The following AUTS2 variants were observed in gnomAD, a reference collection of about 807,000 sequenced individuals.
AUTS2 encodes activator of transcription and developmental regulator AUTS2.
In AUTS2, 17 loss-of-function variants were observed where a neutral mutation model predicts 112.4. That is an observed-to-expected ratio of 0.15 (90% CI 0.10 to 0.23). The LOEUF (loss-of-function observed/expected upper bound fraction) is 0.23. Among genes scored for constraint, AUTS2 ranks in the 10% least tolerant of loss-of-function variants. The probability of loss-of-function intolerance (pLI) is 1.00; values close to 1 mark genes in which losing one functional copy is unlikely to be tolerated. For missense variants in AUTS2, 1,510 were observed against 1,701.6 expected (o/e 0.89, Z 1.98); for synonymous variants, 751 against 702.7 (o/e 1.07, Z -1.09).
intron 1 of AUTS2, among the ~76,000 whole-genome samples, chr7:69,719,601 C>T (rs1798808773): frequency 6.6e-6 from 1 of 152,202 alleles, no homozygotes; most frequent in African/African-American, 2.4e-5. Context: ...ATGCAATGGA[C>T]TGCCTGCTAT....
chr7:70,634,358 C>T (rs945223262), intron 5 of AUTS2, among the ~76,000 whole-genome samples: 4 of 152,200 alleles, frequency 2.6e-5, no homozygotes, highest in African/African-American at 9.6e-5. Context: ...GTATAGTGTG[C>T]CTGGGGCTTT....
intron 2 of AUTS2, among the ~76,000 whole-genome samples, chr7:70,000,597 G>A (rs1172847343): frequency 6.6e-6 from 1 of 152,078 alleles, no homozygotes; most frequent in East Asian, 1.9e-4. Context: ...TGAAGAGGTA[G>A]GAGAGAGAAA....
chr7:70,140,304 C>T (rs1806793598), intron 4 of AUTS2, among the ~76,000 whole-genome samples: 1 of 152,116 alleles, frequency 6.6e-6, no homozygotes, highest in Non-Finnish European at 1.5e-5. Flanking sequence ...TCGTTAGGAG[C>T]TGCAAAATGG....
At chr7:69,805,862 C>A (rs761182912) in intron 1 of AUTS2, among the ~76,000 whole-genome samples, 1 of 152,186 alleles carries the variant, frequency 6.6e-6, no homozygotes, top group South Asian at 2.1e-4. Context: ...GAATCTCACA[C>A]CAAGGTCCCT....
chr7:69,758,558 A>G (rs918471859), intron 1 of AUTS2, among the ~76,000 whole-genome samples: 1 of 152,194 alleles, frequency 6.6e-6, no homozygotes, highest in Non-Finnish European at 1.5e-5. Flanking sequence ...TTCAGTGAAA[A>G]TGTATTGAAA....
intron 5 of AUTS2, among the ~76,000 whole-genome samples, chr7:70,450,793 G>A (rs1796499998): frequency 6.6e-6 from 1 of 152,166 alleles, no homozygotes; most frequent in African/African-American, 2.4e-5. Context: ...CCAAACTAAT[G>A]TGGAAAGAAG....
intron 4 of AUTS2, among the ~76,000 whole-genome samples, chr7:70,318,857 T>G (rs1790122158): frequency 6.6e-6 from 1 of 152,198 alleles, no homozygotes; most frequent in South Asian, 2.1e-4. Flanking sequence ...CTGCATTAGG[T>G]ACCTAGTGTT....
intron 1 of AUTS2, among the ~76,000 whole-genome samples, chr7:69,891,539 T>C (rs900982740): frequency 3.9e-5 from 6 of 152,092 alleles, no homozygotes; most frequent in African/African-American, 1.4e-4. Flanking sequence ...TTAGAACTTT[T>C]AAAGAAACTA....
chr7:69,753,099 T>A (rs1787807763), intron 1 of AUTS2, among the ~76,000 whole-genome samples: 1 of 152,180 alleles, frequency 6.6e-6, no homozygotes, highest in Non-Finnish European at 1.5e-5. Flanking sequence ...CCTCAGTTTT[T>A]ATAATTATAA....
At chr7:70,244,984 G>T (rs1812818756) in intron 4 of AUTS2, among the ~76,000 whole-genome samples, 1 of 151,558 alleles carries the variant, frequency 6.6e-6, no homozygotes, top group African/African-American at 2.4e-5. Context: ...GCTGGGTGTG[G>T]TGGCGCATGC....
At chr7:69,885,867 C>T (rs1794251005) in intron 1 of AUTS2, among the ~76,000 whole-genome samples, 2 of 152,190 alleles carry the variant, frequency 1.3e-5, no homozygotes. Flanking sequence ...GCTTTATATT[C>T]AGAAATGGTC....
At chr7:70,495,780 A>G (rs1798445898) in intron 5 of AUTS2, among the ~76,000 whole-genome samples, 3 of 77,706 alleles carry the variant, frequency 3.9e-5, no homozygotes, top group South Asian at 3.9e-4. Context: ...GTACACAGTC[A>G]CACACACACA....
intron 5 of AUTS2, among the ~76,000 whole-genome samples, chr7:70,689,975 T>G (rs1808675697): frequency 6.6e-6 from 1 of 152,162 alleles, no homozygotes; most frequent in Non-Finnish European, 1.5e-5. Flanking sequence ...ATTTTGTTGG[T>G]CTCCACGGTA....
intron 4 of AUTS2, among the ~76,000 whole-genome samples, chr7:70,415,316 A>G (rs139810616): frequency 9.9e-4 from 150 of 152,264 alleles, no homozygotes; most frequent in African/African-American, 3.5e-3. Flanking sequence ...TCATTATGTC[A>G]ACTGGAAAAT....
intron 4 of AUTS2, among the ~76,000 whole-genome samples, chr7:70,210,908 CT>C (rs1367051595): frequency 6.6e-6 from 1 of 152,132 alleles, no homozygotes; most frequent in East Asian, 1.9e-4. Flanking sequence ...CTTGGGGTTT[CT>C]TATCTTTTAC....
intron 2 of AUTS2, among the ~76,000 whole-genome samples, chr7:70,084,254 A>G (rs1384673564): frequency 6.6e-6 from 1 of 152,114 alleles, no homozygotes; most frequent in Non-Finnish European, 1.5e-5. Context: ...ATTGTGCTGT[A>G]TATAATGTTT....
Position 69,938,749 on chromosome 7 carries a change from G to A in AUTS2, c.522+39251G>A, listed in dbSNP as rs78613994. On this transcript the variant is annotated intron_variant, in intron 2 of 18. Transcript: ENST00000342771. ...AGACAAGGTGGAACCAAAGTACATA[G>A]AGCCTGGAAGCTGCAGAAAAGAACG... is the stretch of plus-strand genomic sequence containing the variant. Among the ~76,000 whole-genome samples the A allele has an allele frequency of 9.2e-5, 14 of 152,320 alleles. No individual in the cohort carries two copies. In the East Asian group the frequency reaches 2.7e-3, roughly 29 times the overall value.
At chr7:70,090,295 T>C (rs958822040) in intron 2 of AUTS2, among the ~76,000 whole-genome samples, 2 of 152,092 alleles carry the variant, frequency 1.3e-5, no homozygotes, top group Non-Finnish European at 2.9e-5. Context: ...ATATATGTTC[T>C]AAAGTCTATA....
intron 2 of AUTS2, among the ~76,000 whole-genome samples, chr7:70,004,417 T>G (rs1256308541): frequency 3.5e-5 from 1 of 28,930 alleles, no homozygotes; most frequent in South Asian, 3.6e-3. Context: ...GAATATATAA[T>G]ATATTATATA....
Sources: gnomAD v4.1 joint callset for allele counts (sites outside exome capture counted in the v4.1 genomes callset) on GRCh38, gnomAD v4.1.1 for gene constraint, MANE v1.5 for transcripts, NCBI Gene and HGNC (gene_info 2026-07-23, HGNC 2026-07-21) for gene names.